PPP1R12C: variants seen among roughly 807,000 people sequenced by gnomAD.
The protein encoded by PPP1R12C is protein phosphatase 1 regulatory subunit 12C, also known as leukocyte receptor cluster (LRC) encoded novel gene 3.
In PPP1R12C, 48 loss-of-function variants were observed where a neutral mutation model predicts 95.6. The ratio of observed to expected loss-of-function variants is 0.50; its 90% confidence interval spans 0.40 to 0.64. PPP1R12C has a LOEUF of 0.64. PPP1R12C is among the 30% of genes least tolerant of loss of function. PPP1R12C has a pLI of 0.00. For synonymous variants in PPP1R12C, 480 were observed against 460.8 expected, an observed-to-expected ratio of 1.04 and a Z score of -0.53; for missense variants, 1,057 against 1,083.3, an observed-to-expected ratio of 0.98 and a Z score of 0.34.
chr19:55,103,566 C>T lies in PPP1R12C; in HGVS notation c.574G>A (p.Val192Met), dbSNP rs1226501161. 2 of 1,571,530 alleles carry T rather than the reference C, an allele frequency of 1.3e-6. No homozygotes were observed. The highest frequency in any genetic ancestry group is 1.4e-5 in the African/African-American group (1 of 73,678). The change falls in exon 4 of 22, where the codon GTG (valine) becomes ATG (methionine). Residue 192 changes from valine to methionine, a missense_variant and splice_region_variant. Coordinates refer to ENST00000263433, the MANE Select transcript of PPP1R12C (RefSeq NM_017607.4). ...LLKAEIARRGVDVEAAKRAEE... is the reference protein window; with the variant it reads ...LLKAEIARRGMDVEAAKRAEE... ...GCCCGCTTGGCTGCTTCCACATCCA[C>T]ACCTAGGAGGATAAGAGGCACGAGG...
At chr19:55,098,630 A>AGGCTGG (rs141312414) in intron 6 of PPP1R12C, among the ~76,000 whole-genome samples, 154 bp downstream of exon 6, 1 of 152,148 alleles carries the variant, frequency 6.6e-6, no homozygotes, top group Admixed American at 6.5e-5. Context: ...GTCTCTCCTG[A>AGGCTGG]GGCTGGGGCT....
chr19:55,091,617 C>A, intron 21 of PPP1R12C, 33 bp downstream of exon 21: 2 of 1,577,616 alleles, frequency 1.3e-6, no homozygotes. Context: ...CACCCACCCT[C>A]GGCCCTCTGC....
In PPP1R12C at chr19:55,117,210, G is replaced by C; in HGVS notation, c.321+13C>G. On this transcript the variant is annotated intron_variant, in intron 1 of 21. Transcript: ENST00000263433. The stretch of plus-strand genomic sequence containing the variant: ...GACCTGGCCCCGGGAGACGCCGGGC[G>C]GGGGGCGCTGACCTGGTGCAGGGCG... The C allele has an allele frequency of 8.2e-7, 1 of 1,221,612 alleles. No individual in the cohort carries two copies. Among genetic ancestry groups the C allele is most frequent in the African/African-American group, 1.6e-5 (1 of 63,680 alleles). 75.7% of individuals were successfully genotyped at this position (1,221,612 alleles called of 1,614,324 possible). A position where few individuals can be genotyped will look rare whatever the true frequency, so the allele number is the denominator to read the frequency against.
intron 13 of PPP1R12C, 71 bp from the exon 14 acceptor site, chr19:55,093,304 GC>G: frequency 7.4e-7 from 1 of 1,348,404 alleles, no homozygotes; most frequent in Non-Finnish European, 1.0e-6. Flanking sequence ...AGACCCAGGA[GC>G]CCAGGCCCCA....
intron 4 of PPP1R12C, among the ~76,000 whole-genome samples, chr19:55,101,941 A>C (rs549326074): frequency 6.6e-6 from 1 of 152,224 alleles, no homozygotes; most frequent in African/African-American, 2.4e-5. Flanking sequence ...GGTTAGAGGC[A>C]TCTTATGTAC....
intron 3 of PPP1R12C, among the ~76,000 whole-genome samples, chr19:55,106,646 G>A (rs2085041577): frequency 6.6e-6 from 1 of 152,176 alleles, no homozygotes; most frequent in African/African-American, 2.4e-5. Flanking sequence ...GGCCAGGGAG[G>A]GTCCCTTCTG....
Position 55,094,534 on chromosome 19 carries a change from T to TC in PPP1R12C, c.1593-100dup, listed in dbSNP as rs748330762. 1.2e-3 allele frequency: 1,905 copies of TC among 1,577,590 alleles called. 2 individuals carry two copies. The highest frequency in any genetic ancestry group is 1.5e-3 in the Non-Finnish European group (1,757 of 1,160,654). On this transcript the variant is annotated intron_variant, in intron 12 of 21. Transcript: ENST00000263433. ...GGAAGCAAGTTCTGTGGGAGGGGAC[T>TC]CCAACTCCCAGCAGACCTGAGGCCA...
intron 19 of PPP1R12C, 131 bp downstream of exon 19, chr19:55,092,091 G>A: frequency 4.6e-6 from 5 of 1,095,640 alleles, no homozygotes; most frequent in Non-Finnish European, 6.5e-6. Flanking sequence ...CCGCCTCCGA[G>A]ATCTCGGCCC....
At chr19:55,104,088 G>A (rs1171001702) in intron 3 of PPP1R12C, among the ~76,000 whole-genome samples, 5 of 146,428 alleles carry the variant, frequency 3.4e-5, no homozygotes, top group South Asian at 2.1e-4. Context: ...GCTTGAACCC[G>A]GGAGTTGGAG....
In PPP1R12C at chr19:55,092,532, G is replaced by C. The variant is rs887932591; in HGVS notation, c.1965C>G (p.Gly655=). The C allele has an allele frequency of 7.5e-6, 12 of 1,603,908 alleles. No individual in the cohort carries two copies. In the African/African-American group the frequency reaches 1.1e-4, roughly 14 times the overall value. Residue 655 remains glycine, a synonymous_variant, in exon 18 of 22, where the codon GGC becomes GGG. Coordinates refer to ENST00000263433, the MANE Select transcript of PPP1R12C (RefSeq NM_017607.4). Reference sequence around the variant, plus strand: ...ACCGCTGCCTGCGGGCCGAGGGGCCGCCCTCCAGGGTGCTGGGGCAGGGGA... The same window carrying C: ...ACCGCTGCCTGCGGGCCGAGGGGCCCCCCTCCAGGGTGCTGGGGCAGGGGA... The part of the protein sequence containing the change: ...DRSQESSTLE[G]GPSARRQRWQ...
chr19:55,107,201 G>A (rs796346789), intron 3 of PPP1R12C, among the ~76,000 whole-genome samples: 11 of 152,194 alleles, frequency 7.2e-5, no homozygotes, highest in African/African-American at 2.2e-4. Context: ...ATCAGCTGAG[G>A]TCAGGAGTTC....
At chr19:55,098,277 G>A (rs546948945) in intron 6 of PPP1R12C, among the ~76,000 whole-genome samples, 4 of 152,208 alleles carry the variant, frequency 2.6e-5, no homozygotes, top group African/African-American at 4.8e-5. Flanking sequence ...ACTGAGGCCC[G>A]GAAAGGAAAG....
intron 4 of PPP1R12C, among the ~76,000 whole-genome samples, chr19:55,102,901 C>T (rs997072077): frequency 5.9e-5 from 9 of 152,154 alleles, no homozygotes; most frequent in Non-Finnish European, 1.5e-5. Context: ...GACTAGAAGT[C>T]CTATATATTT....
chr19:55,100,601 T>G (rs1258111949), intron 4 of PPP1R12C, among the ~76,000 whole-genome samples: 5 of 152,220 alleles, frequency 3.3e-5, no homozygotes, highest in African/African-American at 1.2e-4. Flanking sequence ...ACAAATGTTT[T>G]TTTGTTTTGT....
chr19:55,092,569 C>T, intron 17 of PPP1R12C, 25 bp from the exon 18 acceptor site: 3 of 1,578,924 alleles, frequency 1.9e-6, no homozygotes, highest in Non-Finnish European at 2.6e-6. Context: ...GAGCGCGCGT[C>T]AGGGGCCGGC....
intron 3 of PPP1R12C, among the ~76,000 whole-genome samples, chr19:55,105,730 G>A (rs2085031313): frequency 6.6e-6 from 1 of 152,134 alleles, no homozygotes; most frequent in African/African-American, 2.4e-5. Context: ...GAGATCACTT[G>A]AGCCCACTAG....
chr19:55,113,313 G>A (rs2085118079), intron 1 of PPP1R12C: 5 of 1,044,826 alleles, frequency 4.8e-6, no homozygotes, highest in Non-Finnish European at 6.5e-6. Context: ...GGCTATGCAG[G>A]GTGGAGGAAG....
Position 55,109,384 on chromosome 19 carries a change from C to T in PPP1R12C, c.571+3083G>A, listed in dbSNP as rs1477697448. Among the ~76,000 whole-genome samples the T allele has an allele frequency of 6.6e-6, 1 of 152,244 alleles. No individual in the cohort carries two copies. The highest frequency in any genetic ancestry group is 1.5e-5 in the Non-Finnish European group (1 of 68,044). On this transcript the variant is annotated intron_variant, in intron 3 of 21. Transcript: ENST00000263433. The surrounding 1 kb of genome is among the most constrained non-coding windows in gnomAD (Gnocchi z 4.4). The stretch of plus-strand genomic sequence containing the variant: ...AAGTGCTGGGCTTACAGGTCTGAGC[C>T]ACTGTGCCAGGCCTCAAATGGCCTT...
chr19:55,103,351 G>A, intron 4 of PPP1R12C, 58 bp downstream of exon 4: 1 of 1,348,524 alleles, frequency 7.4e-7, no homozygotes, highest in Non-Finnish European at 9.7e-7. Context: ...GAAAGGGAAA[G>A]GACAAGATCC....
Sources: allele counts gnomAD v4.1 joint callset (sites outside exome capture counted in the v4.1 genomes callset), GRCh38; gene constraint gnomAD v4.1.1; non-coding constraint Gnocchi (gnomAD v3.1); transcripts MANE v1.5; gene names NCBI Gene and HGNC (gene_info 2026-07-23, HGNC 2026-07-21).